UNC13C: variants seen among roughly 807,000 people sequenced by gnomAD.
UNC13C encodes the protein protein unc-13 homolog C.
A neutral mutation model predicts 245.4 loss-of-function variants in UNC13C; 174 were observed. The observed-to-expected ratio is 0.71, with a 90% CI of 0.63 to 0.80. The LOEUF (loss-of-function observed/expected upper bound fraction) is 0.80, where lower values mean the gene tolerates loss of function less well. UNC13C is among the 30% of genes least tolerant of loss of function. The probability of loss-of-function intolerance (pLI) is 0.00; values close to 1 mark genes in which losing one functional copy is unlikely to be tolerated. For synonymous variants in UNC13C, 992 were observed against 895.1 expected, an observed-to-expected ratio of 1.11 and a Z score of -1.93; for missense variants, 2,829 against 2,602.9, an observed-to-expected ratio of 1.09 and a Z score of -1.89.
At chr15:54,405,129 A>T (rs1024156205) in intron 18 of UNC13C, among the ~76,000 whole-genome samples, 1 of 152,150 alleles carries the variant, frequency 6.6e-6, no homozygotes, top group Admixed American at 6.5e-5. Context: ...AAATATTTAC[A>T]TGTAAAATCT....
At chr15:54,610,772 G>A (rs867253636) in intron 30 of UNC13C, among the ~76,000 whole-genome samples, 7 of 152,158 alleles carry the variant, frequency 4.6e-5, no homozygotes, top group South Asian at 4.2e-4. Context: ...GATACTTAGC[G>A]AAGCCTGGAT....
chr15:54,003,479 C>T (rs962753850), intron 1 of UNC13C, among the ~76,000 whole-genome samples: 2 of 152,032 alleles, frequency 1.3e-5, no homozygotes, highest in Non-Finnish European at 2.9e-5. Flanking sequence ...TCTGGAATAC[C>T]CTCTTACCTG....
In UNC13C at chr15:54,047,204, G is replaced by A. The variant is rs140139930; in HGVS notation, c.2983+31318G>A. Among the ~76,000 whole-genome samples, 569 of 152,176 alleles carry A rather than the reference G, an allele frequency of 3.7e-3. 6 individuals are homozygous for A. Among genetic ancestry groups the A allele is most frequent in the African/African-American group, 0.013 (557 of 41,542 alleles). On this transcript the variant is annotated intron_variant, in intron 2 of 32. Transcript: ENST00000260323. ...CTGACCATCTCAAGTCAGGAAAGGAGTGAGGAGAAGCCTTCTTACCCATTT... is the reference window on the plus strand; with the variant it reads ...CTGACCATCTCAAGTCAGGAAAGGAATGAGGAGAAGCCTTCTTACCCATTT...
chr15:54,078,248 G>A (rs1402205686), intron 2 of UNC13C, among the ~76,000 whole-genome samples: 1 of 152,134 alleles, frequency 6.6e-6, no homozygotes, highest in Admixed American at 6.5e-5. Flanking sequence ...TGATGGACAC[G>A]TAGGTTGATT....
chr15:54,451,003 G>A (rs931193355), intron 19 of UNC13C, among the ~76,000 whole-genome samples: 1 of 152,104 alleles, frequency 6.6e-6, no homozygotes, highest in South Asian at 2.1e-4. Context: ...ACTTTACTGT[G>A]TATAGTATTT....
intron 20 of UNC13C, 67 bp from the exon 21 acceptor site, chr15:54,500,012 C>T (rs1894128436): frequency 8.6e-7 from 1 of 1,166,682 alleles, no homozygotes; most frequent in Non-Finnish European, 1.2e-6. Flanking sequence ...GCAAAAAGAG[C>T]AGCATTCCTG....
At chr15:54,407,314 G>C (rs1596333719) in intron 18 of UNC13C, among the ~76,000 whole-genome samples, 1 of 152,110 alleles carries the variant, frequency 6.6e-6, no homozygotes, top group African/African-American at 2.4e-5. Flanking sequence ...TCCATAGGTA[G>C]ACCAAAGAAA....
intron 16 of UNC13C, among the ~76,000 whole-genome samples, 153 bp downstream of exon 16, chr15:54,334,009 A>C (rs551541005): frequency 1.3e-5 from 2 of 152,204 alleles, no homozygotes; most frequent in African/African-American, 4.8e-5. Context: ...GAATCTTCCA[A>C]TATAAGGTAT....
chr15:54,020,859 T>G (rs113644712), intron 2 of UNC13C, among the ~76,000 whole-genome samples: 5 of 152,202 alleles, frequency 3.3e-5, no homozygotes, highest in African/African-American at 1.2e-4. Flanking sequence ...GCTTTTTTTT[T>G]GTTTGTTTTT....
chr15:54,334,429 A>G (rs947060170), intron 16 of UNC13C, among the ~76,000 whole-genome samples: 2 of 152,104 alleles, frequency 1.3e-5, no homozygotes, highest in Non-Finnish European at 2.9e-5. Flanking sequence ...AGTGCAACTT[A>G]TGTAAAGCAT....
At chr15:54,108,546 GC>G (rs1220212321) in intron 2 of UNC13C, among the ~76,000 whole-genome samples, 2 of 152,062 alleles carry the variant, frequency 1.3e-5, no homozygotes. Context: ...AAAAAAAATA[GC>G]TTGTAAAATA....
Position 54,113,703 on chromosome 15 carries a change from G to C in UNC13C, c.2984-29315G>C, listed in dbSNP as rs190054574. On this transcript the variant is annotated intron_variant, in intron 2 of 32. Coordinates refer to ENST00000260323, the MANE Select transcript of UNC13C (RefSeq NM_001080534.3). Reference sequence around the variant, plus strand: ...TAGCTGGGCGTGGTGGCACAAGCCTGTTGTCCCAGTTACTCGGGAGGCTGA... The same window carrying C: ...TAGCTGGGCGTGGTGGCACAAGCCTCTTGTCCCAGTTACTCGGGAGGCTGA... 4.0e-3 allele frequency among the ~76,000 whole-genome samples: 612 copies of C among 152,206 alleles called. 6 individuals carry two copies. Among genetic ancestry groups the C allele is most frequent in the African/African-American group, 0.014 (588 of 41,526 alleles).
Position 54,007,780 on chromosome 15 carries a change from A to AAGCCAGGT in UNC13C, c.-256-4866_-256-4859dup, listed in dbSNP as rs565840922. ...AACCCAGAACCAAAAATAACAAGAA[A>AAGCCAGGT]AGCCAGGTAATAAGCATATTTCTAT... On this transcript the variant is annotated intron_variant, in intron 1 of 32. Transcript: ENST00000260323. Among the ~76,000 whole-genome samples, 89 of 152,288 alleles carry AAGCCAGGT rather than the reference A, an allele frequency of 5.8e-4. 1 individual carries two copies. The East Asian group carries it at 0.015, about 26-fold the overall frequency.
the UNC13C span, chr15:53,913,759 C>T: frequency 2.0e-5 from 3 of 152,224 alleles, no homozygotes; most frequent in African/African-American, 4.8e-5. Context: ...GCCTGAGGCA[C>T]CCCTAAACCC....
intron 4 of UNC13C, among the ~76,000 whole-genome samples, chr15:54,218,597 G>A (rs2035115510): frequency 6.6e-6 from 1 of 151,750 alleles, no homozygotes; most frequent in Non-Finnish European, 1.5e-5. Context: ...GCTATGAGGG[G>A]GCAATTAAGC....
chr15:54,247,032 C>G (rs1245473455), intron 7 of UNC13C, among the ~76,000 whole-genome samples: 1 of 152,172 alleles, frequency 6.6e-6, no homozygotes, highest in Non-Finnish European at 1.5e-5. Flanking sequence ...CTCCATGTGT[C>G]TGATTCCAAG....
At chr15:53,884,621 C>T in the UNC13C span, among the ~76,000 whole-genome samples, 10 of 152,306 alleles carry the variant, frequency 6.6e-5, no homozygotes, top group South Asian at 1.4e-3. Context: ...AGGTATGAGT[C>T]ATCGCACCTG....
At chr15:53,932,973 T>C in the UNC13C span, among the ~76,000 whole-genome samples, 1 of 152,222 alleles carries the variant, frequency 6.6e-6, no homozygotes, top group African/African-American at 2.4e-5. Context: ...TGGTTGGCAC[T>C]GTCATCCAGT....
chr15:53,903,474 G>A, the UNC13C span, among the ~76,000 whole-genome samples: 2 of 152,180 alleles, frequency 1.3e-5, no homozygotes, highest in African/African-American at 4.8e-5. Flanking sequence ...TCCAATCAAA[G>A]CCCTCTTCAC....
Sources: gnomAD v4.1 joint callset for allele counts (sites outside exome capture counted in the v4.1 genomes callset) on GRCh38, gnomAD v4.1.1 for gene constraint, MANE v1.5 for transcripts, NCBI Gene and HGNC (gene_info 2026-07-23, HGNC 2026-07-21) for gene names.